Variants in ADRA1A observed in about 807,000 individuals in gnomAD.
The protein encoded by ADRA1A is alpha-1A adrenergic receptor.
A neutral mutation model predicts 29.6 loss-of-function variants in ADRA1A; 31 were observed. The ratio of observed to expected loss-of-function variants is 1.05; its 90% CI spans 0.79 to 1.41. The LOEUF (loss-of-function observed/expected upper bound fraction) is 1.41. Ranked by LOEUF, ADRA1A falls within the 40% of genes most tolerant of loss-of-function variation. The probability of loss-of-function intolerance (pLI) is 0.00; values close to 1 mark genes in which losing one functional copy is unlikely to be tolerated. For missense variants in ADRA1A, 619 were observed against 601.1 expected (o/e 1.03, Z -0.31); for synonymous variants, 311 against 254.3 (o/e 1.22, Z -2.12).
intron 2 of ADRA1A, among the ~76,000 whole-genome samples, chr8:26,777,652 G>A (rs1806649265): frequency 6.6e-6 from 1 of 152,210 alleles, no homozygotes; most frequent in African/African-American, 2.4e-5. Context: ...TTGGCATGTG[G>A]AGTCTTTTCT....
rs1374976584 is a variant in ADRA1A at position 26,796,388 on chromosome 8, T to A, written c.884-25722A>T. Reference sequence around the variant, plus strand: ...CTTCATCTGCATTTCCAAGTTTTTTTAAATAGCTTTCATAAATAAGTTTGC... The same window carrying A: ...CTTCATCTGCATTTCCAAGTTTTTTAAAATAGCTTTCATAAATAAGTTTGC... On this transcript the variant is annotated intron_variant, in intron 2 of 2. Coordinates refer to ENST00000380573, the MANE Select transcript of ADRA1A (RefSeq NM_000680.4). The surrounding 1 kb of genome is among the most constrained non-coding windows in gnomAD (Gnocchi z 5.0). Among the ~76,000 whole-genome samples the A allele has an allele frequency of 6.6e-6, 1 of 152,230 alleles. No homozygotes were observed. Among genetic ancestry groups the A allele is most frequent in the East Asian group, 1.9e-4 (1 of 5,206 alleles).
chr8:26,851,541 A>G (rs1192433892), intron 2 of ADRA1A, among the ~76,000 whole-genome samples: 1 of 152,212 alleles, frequency 6.6e-6, no homozygotes, highest in Admixed American at 6.5e-5. Flanking sequence ...TATTAGAAAC[A>G]TGGATTATGA....
chr8:26,779,197 G>C, intron 2 of ADRA1A: 1 of 648,774 alleles, frequency 1.5e-6, no homozygotes, highest in Non-Finnish European at 2.8e-6. Flanking sequence ...AGTGCAAGAT[G>C]GGAGCAGGAA....
intron 2 of ADRA1A, among the ~76,000 whole-genome samples, chr8:26,801,629 G>A (rs570211016): frequency 6.6e-6 from 1 of 152,116 alleles, no homozygotes; most frequent in Non-Finnish European, 1.5e-5. Context: ...CACACAAAAA[G>A]TGGAGATATT....
chr8:26,791,306 A>G (rs1488053956), intron 2 of ADRA1A, among the ~76,000 whole-genome samples: 1 of 152,100 alleles, frequency 6.6e-6, no homozygotes, highest in Admixed American at 6.6e-5. Flanking sequence ...GATTTGGAGT[A>G]TTTTCTTAAG....
At chr8:26,789,133 G>C (rs1020031478) in intron 2 of ADRA1A, among the ~76,000 whole-genome samples, 1 of 151,456 alleles carries the variant, frequency 6.6e-6, no homozygotes, top group Non-Finnish European at 1.5e-5. Flanking sequence ...CTCCAGGTGT[G>C]ATGTTCCCCT....
At chr8:26,790,180 C>T (rs1490342039) in intron 2 of ADRA1A, among the ~76,000 whole-genome samples, 2 of 152,050 alleles carry the variant, frequency 1.3e-5, no homozygotes, top group African/African-American at 4.8e-5. Context: ...ATGCTATTCA[C>T]GATAGCCAAT....
At chr8:26,780,551 C>T (rs1806896281) in intron 2 of ADRA1A, among the ~76,000 whole-genome samples, 1 of 152,162 alleles carries the variant, frequency 6.6e-6, no homozygotes, top group Admixed American at 6.5e-5. Flanking sequence ...ATCCACGAGC[C>T]CTTCTTTGTT....
Position 26,775,877 on chromosome 8 carries a change from A to G in ADRA1A, c.884-5211T>C, listed in dbSNP as rs1203037933. Among the ~76,000 whole-genome samples, 1 of 152,186 alleles carries G rather than the reference A, an allele frequency of 6.6e-6. No homozygotes were observed. The highest frequency in any genetic ancestry group is 1.5e-5 in the Non-Finnish European group (1 of 68,040). On this transcript the variant is annotated intron_variant, in intron 2 of 2. Coordinates refer to ENST00000380573, the MANE Select transcript of ADRA1A (RefSeq NM_000680.4). The surrounding 1 kb of genome is among the most constrained non-coding windows in gnomAD (Gnocchi z 4.1). The stretch of plus-strand genomic sequence containing the variant: ...TTCAGAATCCTCACTTCCACTGTAA[A>G]GGCCTCTAGATGCCAAGAAGAAATT...
chr8:26,829,620 C>T (rs1444374997), intron 2 of ADRA1A, among the ~76,000 whole-genome samples: 1 of 152,100 alleles, frequency 6.6e-6, no homozygotes, highest in African/African-American at 2.4e-5. Context: ...AATATGATAA[C>T]ATGCTTAATC....
intron 2 of ADRA1A, among the ~76,000 whole-genome samples, chr8:26,798,890 A>G (rs1045064291): frequency 3.3e-5 from 5 of 152,182 alleles, no homozygotes; most frequent in African/African-American, 1.2e-4. Context: ...TCTCTGATGT[A>G]TGACAGTTTG....
chr8:26,767,181 C>T (rs1201245472), downstream of ADRA1A, among the ~76,000 whole-genome samples: 1 of 152,136 alleles, frequency 6.6e-6, no homozygotes, highest in Non-Finnish European at 1.5e-5. Context: ...CCCATAATGT[C>T]ACGTTGATTT....
chr8:26,861,403 G>C (rs1348987511), intron 2 of ADRA1A, among the ~76,000 whole-genome samples: 1 of 148,448 alleles, frequency 6.7e-6, no homozygotes, highest in Non-Finnish European at 1.5e-5. Flanking sequence ...CCGGGTTCAA[G>C]CGATTCTCCT....
chr8:26,757,252 G>GA, intron 2 of ADRA1A: 1 of 669,026 alleles, frequency 1.5e-6, no homozygotes, highest in Non-Finnish European at 2.7e-6. Context: ...TTGGCAGGGA[G>GA]ATGGCAGCAA....
intron 2 of ADRA1A, among the ~76,000 whole-genome samples, chr8:26,816,090 G>A (rs770985190): frequency 3.9e-5 from 6 of 152,172 alleles, no homozygotes; most frequent in African/African-American, 1.2e-4. Context: ...CCGAGGAGTC[G>A]TCCCTCTTAG....
At chr8:26,759,955 A>G (rs1805412723) in intron 2 of ADRA1A, among the ~76,000 whole-genome samples, 2 of 152,124 alleles carry the variant, frequency 1.3e-5, no homozygotes, top group South Asian at 4.1e-4. Flanking sequence ...TCTAGATAGC[A>G]AGGGTGTTCT....
At position 26,825,664 on chromosome 8, in the gene ADRA1A, T is replaced by G. The variant is rs750082388; in HGVS notation, c.883+38423A>C. 3.3e-5 allele frequency among the ~76,000 whole-genome samples: 5 copies of G among 152,224 alleles called. No individual in the cohort carries two copies. Among genetic ancestry groups the G allele is most frequent in the Non-Finnish European group, 2.9e-5 (2 of 68,046 alleles). On this transcript the variant is annotated intron_variant, in intron 2 of 2. Transcript: ENST00000380573. This position sits in a 1 kb window ranked among gnomAD's most constrained non-coding sequence, Gnocchi z 5.7. Reference sequence around the variant, plus strand: ...GTCAGCCTTCACAGAGCAACTGTCATTCTTTAGGAAAAATCAAAATTTAGC... The same window carrying G: ...GTCAGCCTTCACAGAGCAACTGTCAGTCTTTAGGAAAAATCAAAATTTAGC...
downstream of ADRA1A, among the ~76,000 whole-genome samples, chr8:26,766,702 C>T (rs963608414): frequency 5.3e-5 from 8 of 152,084 alleles, no homozygotes; most frequent in African/African-American, 1.7e-4. Flanking sequence ...TAGGGAGACC[C>T]AGGTTTAAAT....
chr8:26,858,821 T>A (rs1813229044), intron 2 of ADRA1A, among the ~76,000 whole-genome samples: 2 of 152,164 alleles, frequency 1.3e-5, no homozygotes, highest in African/African-American at 4.8e-5. Context: ...CTTGAAGGCA[T>A]TCTGAATTTC....
Sources: allele counts gnomAD v4.1 joint callset (sites outside exome capture counted in the v4.1 genomes callset), GRCh38; gene constraint gnomAD v4.1.1; non-coding constraint Gnocchi (gnomAD v3.1); transcripts MANE v1.5; gene names NCBI Gene and HGNC (gene_info 2026-07-23, HGNC 2026-07-21).